BARX2: variants seen among roughly 807,000 people sequenced by gnomAD.
BARX2 encodes the protein BARX homeobox 2.
A neutral mutation model predicts 25.5 loss-of-function variants in BARX2; 11 were observed. The observed-to-expected ratio is 0.43, with a 90% CI of 0.27 to 0.71. The LOEUF (loss-of-function observed/expected upper bound fraction) is 0.71. BARX2 is among the 30% of genes least tolerant of loss of function. BARX2 has a pLI of 0.19. For missense variants in BARX2, 360 were observed against 359.9 expected (o/e 1.00, Z 0.00); for synonymous variants, 137 against 149.5 (o/e 0.92, Z 0.61).
At chr11:129,403,867 G>A (rs895316427) in intron 1 of BARX2, among the ~76,000 whole-genome samples, 3 of 152,102 alleles carry the variant, frequency 2.0e-5, no homozygotes, top group Admixed American at 6.5e-5. Flanking sequence ...TGGGACTACA[G>A]ATGTGTGCTG....
chr11:129,441,187 G>A (rs1862252934), intron 2 of BARX2, among the ~76,000 whole-genome samples: 1 of 152,162 alleles, frequency 6.6e-6, no homozygotes, highest in Non-Finnish European at 1.5e-5. Context: ...TTCCTGGGAT[G>A]AAGCATCCCT....
At chr11:129,391,621 C>G (rs1294681169) in intron 1 of BARX2, among the ~76,000 whole-genome samples, 1 of 152,164 alleles carries the variant, frequency 6.6e-6, no homozygotes, top group African/African-American at 2.4e-5. Flanking sequence ...ACGAGAAAGA[C>G]CCGACAGTGG....
chr11:129,376,918 A>T lies in BARX2; in HGVS notation c.187+696A>T, dbSNP rs1861510459. Among the ~76,000 whole-genome samples the T allele has an allele frequency of 6.6e-6, 1 of 152,266 alleles. No homozygotes were observed. The highest frequency in any genetic ancestry group is 2.1e-4 in the South Asian group (1 of 4,836). On this transcript the variant is annotated intron_variant, in intron 1 of 3. Transcript: ENST00000281437. The surrounding 1 kb of genome is among the most constrained non-coding windows in gnomAD (Gnocchi z 4.2). ...TCACGGGAGGTAAGAGCAATAGTAAAGATAAAGAGAACTTAATACATATAT... is the reference window on the plus strand; with the variant it reads ...TCACGGGAGGTAAGAGCAATAGTAATGATAAAGAGAACTTAATACATATAT...
At chr11:129,439,856 G>C (rs1311535498) in intron 2 of BARX2, among the ~76,000 whole-genome samples, 1 of 152,194 alleles carries the variant, frequency 6.6e-6, no homozygotes, top group Non-Finnish European at 1.5e-5. Flanking sequence ...TGGTATGTCA[G>C]ACGGGCTTCA....
At chr11:129,419,617 A>T (rs1861981418) in intron 1 of BARX2, among the ~76,000 whole-genome samples, 1 of 152,140 alleles carries the variant, frequency 6.6e-6, no homozygotes, top group Non-Finnish European at 1.5e-5. Flanking sequence ...AGTGGTGCCC[A>T]GTGAGTGTTC....
intron 1 of BARX2, among the ~76,000 whole-genome samples, chr11:129,426,579 G>T (rs1376491544): frequency 1.3e-5 from 2 of 152,086 alleles, no homozygotes; most frequent in East Asian, 3.9e-4. Flanking sequence ...CACCATGTTG[G>T]TTGGCCAGGC....
chr11:129,434,999 A>G (rs969972560), intron 1 of BARX2, among the ~76,000 whole-genome samples: 2 of 152,230 alleles, frequency 1.3e-5, no homozygotes, highest in Non-Finnish European at 2.9e-5. Context: ...TAGATTACAC[A>G]TTAGCCTGCT....
intron 1 of BARX2, among the ~76,000 whole-genome samples, chr11:129,429,068 C>G (rs1385994576): frequency 1.3e-5 from 2 of 151,332 alleles, no homozygotes; most frequent in Non-Finnish European, 2.9e-5. Flanking sequence ...ACCAAATTGC[C>G]CAAATCTCTG....
chr11:129,444,977 G>C (rs1257797125), intron 3 of BARX2, among the ~76,000 whole-genome samples: 1 of 151,536 alleles, frequency 6.6e-6, no homozygotes, highest in African/African-American at 2.4e-5. Flanking sequence ...CTCCAGTCTG[G>C]GCCACGGAGC....
At chr11:129,427,620 TGTG>T (rs1862080398) in intron 1 of BARX2, among the ~76,000 whole-genome samples, 1 of 152,198 alleles carries the variant, frequency 6.6e-6, no homozygotes, top group Non-Finnish European at 1.5e-5. Context: ...AAACTGGAAA[TGTG>T]GGTGTGGAGA....
chr11:129,375,767 A>C (rs1861494950), upstream of BARX2, among the ~76,000 whole-genome samples: 1 of 151,846 alleles, frequency 6.6e-6, no homozygotes, highest in African/African-American at 2.4e-5. The surrounding 1 kb of genome is among the most constrained non-coding windows in gnomAD (Gnocchi z 4.0). Context: ...CTCAGCACAC[A>C]CTCCGCACCC....
intron 3 of BARX2, among the ~76,000 whole-genome samples, chr11:129,448,633 T>C (rs1862359008): frequency 6.6e-6 from 1 of 152,198 alleles, no homozygotes; most frequent in Non-Finnish European, 1.5e-5. Context: ...CAAGTGTTGG[T>C]GAGGATGTGG....
chr11:129,442,641 C>T, intron 2 of BARX2, 194 bp from the exon 3 acceptor site: 2 of 630,580 alleles, frequency 3.2e-6, no homozygotes, highest in Non-Finnish European at 5.8e-6. Context: ...GCATCTGTTT[C>T]TCAGCTTCCC....
In BARX2 at chr11:129,376,569, G is replaced by C. The variant is rs538496675; in HGVS notation, c.187+347G>C. ...AATCGTTGTTTCAGGAAGTGGTGGT[G>C]TGTGTGAATTTCAAACTTGAGCTTG... On this transcript the variant is annotated intron_variant, in intron 1 of 3. Coordinates refer to ENST00000281437, the MANE Select transcript of BARX2 (RefSeq NM_003658.5). The surrounding 1 kb of genome is among the most constrained non-coding windows in gnomAD (Gnocchi z 4.2). 6.6e-6 allele frequency among the ~76,000 whole-genome samples: 1 copy of C among 152,342 alleles called. No homozygotes were observed. The highest frequency in any genetic ancestry group is 2.1e-4 in the South Asian group (1 of 4,830).
In BARX2 at chr11:129,411,879, G is replaced by T. The variant is rs142740832; in HGVS notation, c.188-24872G>T. Among the ~76,000 whole-genome samples, 6 of 152,360 alleles carry T rather than the reference G, an allele frequency of 3.9e-5. No homozygotes were observed. The East Asian group carries it at 1.2e-3, about 29-fold the overall frequency. On this transcript the variant is annotated intron_variant, in intron 1 of 3. Coordinates refer to ENST00000281437, the MANE Select transcript of BARX2 (RefSeq NM_003658.5). ...ATGGCGCCTCTCTGGAAGAGCATCAGATAGAAAATAGGACTCCTGTCCTTT... is the reference window on the plus strand; with the variant it reads ...ATGGCGCCTCTCTGGAAGAGCATCATATAGAAAATAGGACTCCTGTCCTTT...
chr11:129,414,319 G>C (rs924583836), intron 1 of BARX2, among the ~76,000 whole-genome samples: 10 of 152,146 alleles, frequency 6.6e-5, no homozygotes, highest in African/African-American at 2.4e-4. Flanking sequence ...ATATAATTTA[G>C]TTTAGGCCCT....
chr11:129,442,494 C>G (rs1467063625), intron 2 of BARX2, among the ~76,000 whole-genome samples: 2 of 152,114 alleles, frequency 1.3e-5, no homozygotes, highest in African/African-American at 4.8e-5. Context: ...GGACGATGGG[C>G]CAGAGGGTCA....
At chr11:129,419,935 C>T (rs1861985781) in intron 1 of BARX2, among the ~76,000 whole-genome samples, 1 of 151,886 alleles carries the variant, frequency 6.6e-6, no homozygotes, top group Non-Finnish European at 1.5e-5. Context: ...CATTAGCCAC[C>T]ACGTCTGGCT....
chr11:129,381,067 G>A (rs901220134), intron 1 of BARX2, among the ~76,000 whole-genome samples: 1 of 152,120 alleles, frequency 6.6e-6, no homozygotes, highest in African/African-American at 2.4e-5. Flanking sequence ...GAGCCATCGC[G>A]CCCGCTGTGA....
Sources: gnomAD v4.1 joint callset for allele counts (sites outside exome capture counted in the v4.1 genomes callset) on GRCh38, gnomAD v4.1.1 for gene constraint, Gnocchi (gnomAD v3.1) non-coding constraint, MANE v1.5 for transcripts, NCBI Gene and HGNC (gene_info 2026-07-23, HGNC 2026-07-21) for gene names.